THTPA: variants seen among roughly 807,000 people sequenced by gnomAD.
The protein encoded by THTPA is thiamine triphosphatase.
In THTPA, 16 loss-of-function variants were observed where a neutral mutation model predicts 16.5. That is an observed-to-expected ratio of 0.97 (90% CI 0.66 to 1.47). The LOEUF (loss-of-function observed/expected upper bound fraction) is 1.47, where lower values mean the gene tolerates loss of function less well. Among genes scored for constraint, THTPA ranks in the 40% most tolerant of loss-of-function variants. The probability of loss-of-function intolerance (pLI) is 0.00; values close to 1 mark genes in which losing one functional copy is unlikely to be tolerated. For missense variants in THTPA, 281 were observed against 280.9 expected, an observed-to-expected ratio of 1.00 and a Z score of 0.00; for synonymous variants, 110 against 115.5, an observed-to-expected ratio of 0.95 and a Z score of 0.30.
At chr14:23,551,051 C>T (rs553488352), upstream of THTPA, among the ~76,000 whole-genome samples, 1 of 152,136 alleles carries the variant, frequency 6.6e-6, no homozygotes, top group East Asian at 1.9e-4. The surrounding 1 kb of genome is among the most constrained non-coding windows in gnomAD (Gnocchi z 5.3). Flanking sequence ...CGGGCCTCTG[C>T]CTTTCCCGTT....
chr14:23,556,833 G>A lies in THTPA; in HGVS notation c.76G>A (p.Gly26Arg). Residue 26 changes from glycine to arginine, a missense_variant, in exon 1 of 2, where the codon GGG becomes AGG. By Grantham distance (125) the Gly-to-Arg change is moderately radical (BLOSUM62 -2). Transcript: ENST00000288014. ...PGTEERLQELGGTLEYRVTFR... is the reference protein window; with the variant it reads ...PGTEERLQELRGTLEYRVTFR... ...CACAGAGGAGCGGCTGCAGGAGTTG[G>A]GGGGCACCCTGGAGTACCGGGTCAC... The A allele has an allele frequency of 6.2e-7, 1 of 1,613,334 alleles. No homozygotes were observed. The highest frequency in any genetic ancestry group is 8.5e-7 in the Non-Finnish European group (1 of 1,179,672).
Position 23,556,366 on chromosome 14 carries a change from C to G in THTPA, c.-392C>G. On this transcript the variant is annotated 5_prime_UTR_variant, in exon 1 of 2. Coordinates refer to ENST00000288014, the MANE Select transcript of THTPA (RefSeq NM_024328.6). ...GAGGTGAGACCTGAAGTTCCGCTGG[C>G]CGGTAGTGTAGCAGGAAAGGGCAGG... 1 of 187,944 alleles carries G rather than the reference C, an allele frequency of 5.3e-6. No homozygotes were observed. The highest frequency in any genetic ancestry group is 1.1e-5 in the Non-Finnish European group (1 of 90,186). The allele number at this position is 187,944 out of a possible 1,614,324, so 11.6% of individuals were successfully genotyped here.
upstream of THTPA, among the ~76,000 whole-genome samples, chr14:23,555,421 C>T (rs1405824715): frequency 6.6e-6 from 1 of 152,208 alleles, no homozygotes; most frequent in Non-Finnish European, 1.5e-5. Context: ...GCATTTCTAG[C>T]CTCGTCTTCT....
chr14:23,519,256 A>G, the THTPA span, among the ~76,000 whole-genome samples: 1 of 152,216 alleles, frequency 6.6e-6, no homozygotes, highest in Non-Finnish European at 1.5e-5. Context: ...CCACACTTCT[A>G]ATCATTCCAT....
At chr14:23,522,089 G>A in the THTPA span, 1 of 1,536,104 alleles carries the variant, frequency 6.5e-7, no homozygotes. Flanking sequence ...GATGGAGATG[G>A]GTGGGCCCCC....
the THTPA span, chr14:23,530,169 A>C: frequency 2.6e-6 from 4 of 1,536,006 alleles, no homozygotes; most frequent in South Asian, 4.8e-5. Context: ...TGGGTGGCTC[A>C]GCTAAGGGGG....
the THTPA span, among the ~76,000 whole-genome samples, chr14:23,516,849 G>A: frequency 2.6e-5 from 4 of 152,208 alleles, no homozygotes; most frequent in Non-Finnish European, 5.9e-5. Flanking sequence ...AGAAGACTTA[G>A]TGCAGGGTTT....
At chr14:23,532,749 G>C in the THTPA span, 1 of 1,536,126 alleles carries the variant, frequency 6.5e-7, no homozygotes. Context: ...CCCCCCTCCC[G>C]CAGGTGGGCT....
At chr14:23,516,586 A>C in the THTPA span, among the ~76,000 whole-genome samples, 1 of 152,210 alleles carries the variant, frequency 6.6e-6, no homozygotes, top group Admixed American at 6.5e-5. Context: ...CTCATCATTG[A>C]GAATCACTAG....
chr14:23,523,468 A>G, the THTPA span: 46 of 1,536,158 alleles, frequency 3.0e-5, no homozygotes, highest in East Asian at 9.5e-4. This position sits in a 1 kb window ranked among gnomAD's most constrained non-coding sequence, Gnocchi z 4.1. Flanking sequence ...GGCAGGAGAC[A>G]TAGAAATCAT....
upstream of THTPA, among the ~76,000 whole-genome samples, chr14:23,551,088 T>C (rs1168846225): frequency 6.7e-6 from 1 of 148,474 alleles, no homozygotes; most frequent in African/African-American, 2.5e-5. This position sits in a 1 kb window ranked among gnomAD's most constrained non-coding sequence, Gnocchi z 5.3. Flanking sequence ...CCCCCGCATC[T>C]CTCTTCCCCC....
the THTPA span, chr14:23,535,351 C>T: frequency 4.9e-6 from 7 of 1,441,102 alleles, no homozygotes; most frequent in South Asian, 8.7e-5. This position sits in a 1 kb window ranked among gnomAD's most constrained non-coding sequence, Gnocchi z 4.5. Context: ...GCTGGGGGCT[C>T]ATGTCAGCGT....
At chr14:23,531,516 A>G in the THTPA span, 2 of 1,473,448 alleles carry the variant, frequency 1.4e-6, no homozygotes, top group East Asian at 2.6e-5. Context: ...GAAGCTCAGG[A>G]TGCTCTGAAG....
At chr14:23,555,443 A>G (rs1882284527), upstream of THTPA, among the ~76,000 whole-genome samples, 2 of 152,002 alleles carry the variant, frequency 1.3e-5, no homozygotes, top group East Asian at 3.9e-4. Context: ...CTTACGTACC[A>G]CCCAGGTGCT....
At chr14:23,522,124 G>A in the THTPA span, 2 of 1,530,980 alleles carry the variant, frequency 1.3e-6, no homozygotes, top group Non-Finnish European at 1.7e-6. Context: ...CCTTGCGCCT[G>A]TGGGCCGAGG....
At chr14:23,525,407 A>G in the THTPA span, 1 of 1,536,136 alleles carries the variant, frequency 6.5e-7, no homozygotes, top group Non-Finnish European at 8.7e-7. This position sits in a 1 kb window ranked among gnomAD's most constrained non-coding sequence, Gnocchi z 5.9. Flanking sequence ...ATAACGGCTC[A>G]GGGCTTCAAA....
In THTPA at chr14:23,559,845, G is replaced by C. The variant is rs148978189; in HGVS notation, c.*1005G>C. On this transcript the variant is annotated 3_prime_UTR_variant, in exon 2 of 2. Transcript: ENST00000288014. Reference sequence around the variant, plus strand: ...AGGTGAGGCGCAGCTTTAGCCGCAGGGGGGCCTAGGAATAGGAGAGCAGGG... The same window carrying C: ...AGGTGAGGCGCAGCTTTAGCCGCAGCGGGGCCTAGGAATAGGAGAGCAGGG... 31 of 1,614,074 alleles carry C rather than the reference G, an allele frequency of 1.9e-5. No individual in the cohort carries two copies. In the African/African-American group the frequency reaches 3.5e-4, roughly 18 times the overall value.
chr14:23,558,216 G>A lies in THTPA; in HGVS notation c.548-479G>A, dbSNP rs572963388. 2.6e-5 allele frequency among the ~76,000 whole-genome samples: 4 copies of A among 152,360 alleles called. No homozygotes were observed. The South Asian group carries it at 8.3e-4, about 32-fold the overall frequency. On this transcript the variant is annotated intron_variant, in intron 1 of 1. Coordinates refer to ENST00000288014, the MANE Select transcript of THTPA (RefSeq NM_024328.6). ...TTCCATTCTCACCTCACCATGTAGA[G>A]GCGAGAATTCTATGTGAATCCCACC...
the THTPA span, chr14:23,524,078 C>T: frequency 6.6e-7 from 1 of 1,525,480 alleles, no homozygotes; most frequent in Non-Finnish European, 8.8e-7. This position sits in a 1 kb window ranked among gnomAD's most constrained non-coding sequence, Gnocchi z 5.6. Context: ...GGCTTCCCTC[C>T]CAGTGCCATC....
Sources: allele counts gnomAD v4.1 joint callset (sites outside exome capture counted in the v4.1 genomes callset), GRCh38; gene constraint gnomAD v4.1.1; non-coding constraint Gnocchi (gnomAD v3.1); transcripts MANE v1.5; gene names NCBI Gene and HGNC (gene_info 2026-07-23, HGNC 2026-07-21).